Variants in KCNQ1 observed in about 807,000 individuals in gnomAD.
KCNQ1 encodes the protein potassium voltage-gated channel subfamily Q member 1.
In KCNQ1, 49 loss-of-function variants were observed where a neutral mutation model predicts 72.4. That is an observed-to-expected ratio of 0.68 (90% CI 0.54 to 0.86). The LOEUF is 0.86. Among genes scored for constraint, KCNQ1 ranks in the 40% least tolerant of loss-of-function variants. The probability of loss-of-function intolerance (pLI) is 0.00; values close to 1 mark genes in which losing one functional copy is unlikely to be tolerated. For missense variants in KCNQ1, 790 were observed against 945.1 expected (o/e 0.84, Z 2.15); for synonymous variants, 450 against 412.6 (o/e 1.09, Z -1.10).
At chr11:2,610,328 A>C (rs772996840) in intron 10 of KCNQ1, 1 of 398,066 alleles carries the variant, frequency 2.5e-6, no homozygotes, top group Non-Finnish European at 4.4e-6. Flanking sequence ...TTACATCTTT[A>C]TTATGCGCTA....
chr11:2,848,146 A>G lies in KCNQ1; in HGVS notation c.*143A>G. ...CAGAGGCCCCAATACCCCATGGACC[A>G]TGCTGTCTGGCACAGCCTGCACTTG... On this transcript the variant is annotated 3_prime_UTR_variant, in exon 16 of 16. Coordinates refer to ENST00000155840, the MANE Select transcript of KCNQ1 (RefSeq NM_000218.3). 1.3e-6 allele frequency: 1 copy of G among 782,508 alleles called. No individual in the cohort carries two copies. The highest frequency in any genetic ancestry group is 2.2e-6 in the Non-Finnish European group (1 of 463,482). 48.5% of individuals were successfully genotyped at this position (782,508 alleles called of 1,614,324 possible).
chr11:2,801,082 C>T (rs892544519), intron 15 of KCNQ1, among the ~76,000 whole-genome samples: 3 of 152,126 alleles, frequency 2.0e-5, no homozygotes, highest in African/African-American at 7.2e-5. Context: ...CAGGCAGTGG[C>T]TCCTGGGGTG....
chr11:2,718,827 G>C (rs1182808400), intron 11 of KCNQ1, among the ~76,000 whole-genome samples: 5 of 152,362 alleles, frequency 3.3e-5, no homozygotes, highest in African/African-American at 9.6e-5. Context: ...ACAGGGATCT[G>C]AGAGCTGGCT....
Position 2,669,318 on chromosome 11 carries a change from A to T in KCNQ1, c.1514+7237A>T, listed in dbSNP as rs1418409521. On this transcript the variant is annotated intron_variant, in intron 11 of 15. Transcript: ENST00000155840. The surrounding 1 kb of genome is among the most constrained non-coding windows in gnomAD (Gnocchi z 5.6). ...CATACATATGCCAGTTGCCATGGAA[A>T]GCCTCCTCTAGGCGCAGCAGCCTCT... The T allele has an allele frequency of 5.0e-6, 2 of 398,504 alleles. No individual in the cohort carries two copies. The highest frequency in any genetic ancestry group is 8.8e-6 in the Non-Finnish European group (2 of 226,082). The allele number at this position is 398,504 out of a possible 1,614,324, so 24.7% of individuals were successfully genotyped here. A position where few individuals can be genotyped will look rare whatever the true frequency, so the allele number is the denominator to read the frequency against.
Position 2,447,191 on chromosome 11 carries a change from T to C in KCNQ1, c.386+1707T>C, listed in dbSNP as rs1289991728. Among the ~76,000 whole-genome samples the C allele has an allele frequency of 1.3e-5, 2 of 152,158 alleles. No homozygotes were observed. The highest frequency in any genetic ancestry group is 4.8e-5 in the African/African-American group (2 of 41,432). Reference sequence around the variant, plus strand: ...AGTCTCTGCTTGCACTTGTGTTTTCTTCCTCATTTGGATTGTTTAGGTCTC... The same window carrying C: ...AGTCTCTGCTTGCACTTGTGTTTTCCTCCTCATTTGGATTGTTTAGGTCTC... On this transcript the variant is annotated intron_variant, in intron 1 of 15. Coordinates refer to ENST00000155840, the MANE Select transcript of KCNQ1 (RefSeq NM_000218.3). The surrounding 1 kb of genome is among the most constrained non-coding windows in gnomAD (Gnocchi z 7.6).
chr11:2,499,257 G>A (rs1447021770), intron 1 of KCNQ1, among the ~76,000 whole-genome samples: 1 of 152,058 alleles, frequency 6.6e-6, no homozygotes, highest in African/African-American at 2.4e-5. Flanking sequence ...AAAATAATGA[G>A]TTGTAAGATA....
At chr11:2,730,704 G>A (rs1447708673) in intron 11 of KCNQ1, among the ~76,000 whole-genome samples, 20 of 152,220 alleles carry the variant, frequency 1.3e-4, no homozygotes. Context: ...CATTACCCTG[G>A]GGGAGGCGGA....
rs545051790 is a variant in KCNQ1 at position 2,691,533 on chromosome 11, G to C, written c.1514+29452G>C. The C allele has an allele frequency of 5.0e-6, 2 of 398,458 alleles. No homozygotes were observed. Among genetic ancestry groups the C allele is most frequent in the Non-Finnish European group, 8.8e-6 (2 of 226,082 alleles). 24.7% of individuals were successfully genotyped at this position (398,458 alleles called of 1,614,324 possible). A position where few individuals can be genotyped will look rare whatever the true frequency, so the allele number is the denominator to read the frequency against. On this transcript the variant is annotated intron_variant, in intron 11 of 15. Coordinates refer to ENST00000155840, the MANE Select transcript of KCNQ1 (RefSeq NM_000218.3). This position sits in a 1 kb window ranked among gnomAD's most constrained non-coding sequence, Gnocchi z 6.4. ...CTTGCTTGGCTTTGCATTAAAGTTG[G>C]GGGGATTTCTCTATCCTGAGGTTAT...
chr11:2,690,429 G>A lies in KCNQ1; in HGVS notation c.1514+28348G>A. 2.5e-6 allele frequency: 1 copy of A among 398,658 alleles called. No homozygotes were observed. Among genetic ancestry groups the A allele is most frequent in the East Asian group, 3.6e-5 (1 of 28,070 alleles). 24.7% of individuals were successfully genotyped at this position (398,658 alleles called of 1,614,324 possible). ...CTCCCTGCGAAAGGCTGGGGTCCTG[G>A]GAGCTAGAGCTGGGTTAAGATAAGA... On this transcript the variant is annotated intron_variant, in intron 11 of 15. Coordinates refer to ENST00000155840, the MANE Select transcript of KCNQ1 (RefSeq NM_000218.3). The surrounding 1 kb of genome is among the most constrained non-coding windows in gnomAD (Gnocchi z 5.1).
At chr11:2,800,925 C>G (rs1490752597) in intron 15 of KCNQ1, among the ~76,000 whole-genome samples, 1 of 152,052 alleles carries the variant, frequency 6.6e-6, no homozygotes, top group Non-Finnish European at 1.5e-5. Flanking sequence ...CTCATGAGGA[C>G]AGGGTCTCAG....
chr11:2,681,740 C>T (rs918108486), intron 11 of KCNQ1: 5 of 397,642 alleles, frequency 1.3e-5, no homozygotes, highest in African/African-American at 2.1e-5. Context: ...GGGCACTGAT[C>T]ACACACCAGG....
At position 2,781,865 on chromosome 11, in the gene KCNQ1, G is replaced by T. The variant is rs1271225463; in HGVS notation, c.1794+3828G>T. 6.6e-6 allele frequency among the ~76,000 whole-genome samples: 1 copy of T among 152,110 alleles called. No homozygotes were observed. The highest frequency in any genetic ancestry group is 2.4e-5 in the African/African-American group (1 of 41,406). ...AGTTCAGAAAGCGTTGGGCGGGAAG[G>T]GGCCCCCACCACCTGACACTCCTTT... On this transcript the variant is annotated intron_variant, in intron 15 of 15. Transcript: ENST00000155840. The surrounding 1 kb of genome is among the most constrained non-coding windows in gnomAD (Gnocchi z 6.6).
Position 2,445,251 on chromosome 11 carries a change from C to T in KCNQ1, c.153C>T (p.Tyr51=). The change falls in exon 1 of 16, where the codon TAC becomes TAT. Residue 51 remains tyrosine, a synonymous_variant. Coordinates refer to ENST00000155840, the MANE Select transcript of KCNQ1 (RefSeq NM_000218.3). Reference sequence around the variant, plus strand: ...GCGGCCCGGCGGGCGGCGCGCTCTACGCGCCCATCGCGCCCGGCGCCCCAG... The same window carrying T: ...GCGGCCCGGCGGGCGGCGCGCTCTATGCGCCCATCGCGCCCGGCGCCCCAG... ...AEGGPAGGAL[Y]APIAPGAPGP... 8.4e-7 allele frequency: 1 copy of T among 1,192,578 alleles called. No individual in the cohort carries two copies. Among genetic ancestry groups the T allele is most frequent in the South Asian group, 3.6e-5 (1 of 27,660 alleles). 73.9% of individuals were successfully genotyped at this position (1,192,578 alleles called of 1,614,324 possible).
rs1847624140 is a variant in KCNQ1 at position 2,816,876 on chromosome 11, G to T, written c.1795-30891G>T. On this transcript the variant is annotated intron_variant, in intron 15 of 15. Transcript: ENST00000155840. This position sits in a 1 kb window ranked among gnomAD's most constrained non-coding sequence, Gnocchi z 6.8. ...TGAACAGACACAGGTGTCTGTTCAG[G>T]GCTCCTCAAATGCACAAATACATGT... Among the ~76,000 whole-genome samples, 1 of 151,778 alleles carries T rather than the reference G, an allele frequency of 6.6e-6. No homozygotes were observed. Among genetic ancestry groups the T allele is most frequent in the Non-Finnish European group, 1.5e-5 (1 of 67,910 alleles).
In KCNQ1 at chr11:2,712,924, G is replaced by T. The variant is rs1851029373; in HGVS notation, c.1514+50843G>T. Among the ~76,000 whole-genome samples the T allele has an allele frequency of 6.6e-6, 1 of 152,190 alleles. No individual in the cohort carries two copies. The highest frequency in any genetic ancestry group is 1.5e-5 in the Non-Finnish European group (1 of 68,034). ...CCCTCCAAGGCAGTTGTCAGAGCAA[G>T]ATCAGCTCCCTGGAAGACACCCGGG... On this transcript the variant is annotated intron_variant, in intron 11 of 15. Coordinates refer to ENST00000155840, the MANE Select transcript of KCNQ1 (RefSeq NM_000218.3). The surrounding 1 kb of genome is among the most constrained non-coding windows in gnomAD (Gnocchi z 6.4).
chr11:2,792,744 G>T (rs1438670435), intron 15 of KCNQ1, among the ~76,000 whole-genome samples: 1 of 152,190 alleles, frequency 6.6e-6, no homozygotes, highest in Non-Finnish European at 1.5e-5. Flanking sequence ...ACCCTGTGAG[G>T]CCTCAATTAG....
At chr11:2,472,160 T>G (rs1464927439) in intron 1 of KCNQ1, among the ~76,000 whole-genome samples, 4 of 151,524 alleles carry the variant, frequency 2.6e-5, no homozygotes, top group Non-Finnish European at 2.9e-5. Context: ...TATGTATGGG[T>G]GTGTGTGCAC....
intron 1 of KCNQ1, among the ~76,000 whole-genome samples, chr11:2,469,414 C>G (rs146638968): frequency 6.6e-6 from 1 of 152,026 alleles, no homozygotes; most frequent in Non-Finnish European, 1.5e-5. Context: ...GTTGGGACTA[C>G]AGATGCCCGC....
At chr11:2,641,343 A>G (rs1849573503) in intron 10 of KCNQ1, 1 of 398,062 alleles carries the variant, frequency 2.5e-6, no homozygotes, top group Non-Finnish European at 4.4e-6. Context: ...TAAAATAGCC[A>G]TTCTCACTAT....
Sources: gnomAD v4.1 joint callset for allele counts (sites outside exome capture counted in the v4.1 genomes callset) on GRCh38, gnomAD v4.1.1 for gene constraint, Gnocchi (gnomAD v3.1) non-coding constraint, MANE v1.5 for transcripts, NCBI Gene and HGNC (gene_info 2026-07-23, HGNC 2026-07-21) for gene names.